Variants in TENM3 observed in about 807,000 individuals in gnomAD.
TENM3 encodes teneurin-3.
A neutral mutation model predicts 255.1 loss-of-function variants in TENM3; 63 were observed. The ratio of observed to expected loss-of-function variants is 0.25; its 90% CI spans 0.20 to 0.30. The LOEUF (loss-of-function observed/expected upper bound fraction) is 0.30. Among genes scored for constraint, TENM3 ranks in the 10% least tolerant of loss-of-function variants. TENM3 has a pLI of 1.00. For missense variants in TENM3, 2,929 were observed against 3,461.1 expected (o/e 0.85, Z 3.86); for synonymous variants, 1,306 against 1,322.3 (o/e 0.99, Z 0.27).
chr4:182,680,565 T>C lies in TENM3; in HGVS notation c.1662T>C (p.Ser554=), dbSNP rs1285420771. Residue 554 remains serine, a synonymous_variant, in exon 10 of 28, where the codon AGT becomes AGC. Transcript: ENST00000511685. ...CAGCCGCCTGTCCAGTGTTATGTAG[T>C]GGCAACGGGCAGTACTCCAAGGGCC... ...CSRAACPVLC[S]GNGQYSKGRC... is the part of the protein sequence containing the mutation. 1.2e-6 allele frequency: 2 copies of C among 1,613,502 alleles called. No individual in the cohort carries two copies. The highest frequency in any genetic ancestry group is 1.7e-6 in the Non-Finnish European group (2 of 1,179,784).
chr4:181,576,338 A>G, the TENM3 span, among the ~76,000 whole-genome samples: 1 of 152,204 alleles, frequency 6.6e-6, no homozygotes, highest in Non-Finnish European at 1.5e-5. Context: ...CTCTTCATCC[A>G]GTCATCCACT....
chr4:182,062,736 A>G, the TENM3 span, among the ~76,000 whole-genome samples: 2 of 152,206 alleles, frequency 1.3e-5, no homozygotes, highest in African/African-American at 2.4e-5. Flanking sequence ...TTGGACTCCA[A>G]GTGGTTTTGA....
At chr4:182,510,485 C>T (rs2151713853) in intron 3 of TENM3, among the ~76,000 whole-genome samples, 1 of 152,240 alleles carries the variant, frequency 6.6e-6, no homozygotes, top group East Asian at 1.9e-4. Context: ...AAGGGTTAAC[C>T]TCTAGAATTG....
At chr4:181,622,536 T>C in the TENM3 span, among the ~76,000 whole-genome samples, 2 of 151,590 alleles carry the variant, frequency 1.3e-5, no homozygotes, top group African/African-American at 4.8e-5. Context: ...ATTAGCCGAG[T>C]ATGGTGGCAA....
the TENM3 span, among the ~76,000 whole-genome samples, chr4:181,645,533 T>C: frequency 3.9e-5 from 6 of 152,296 alleles, no homozygotes; most frequent in East Asian, 7.7e-4. Flanking sequence ...ATTCTCAAAA[T>C]TATTACAGAA....
chr4:181,657,199 C>G, the TENM3 span, among the ~76,000 whole-genome samples: 15 of 152,068 alleles, frequency 9.9e-5, no homozygotes, highest in Non-Finnish European at 1.6e-4. Flanking sequence ...ATGAGTTGCA[C>G]CAGGAAAAAA....
At chr4:182,422,183 C>T (rs1482334798) in intron 3 of TENM3, among the ~76,000 whole-genome samples, 1 of 152,074 alleles carries the variant, frequency 6.6e-6, no homozygotes, top group Non-Finnish European at 1.5e-5. Flanking sequence ...GCTTATTTAT[C>T]AACGGATAGC....
chr4:181,539,229 G>C, the TENM3 span, among the ~76,000 whole-genome samples: 9 of 152,160 alleles, frequency 5.9e-5, no homozygotes, highest in Admixed American at 5.9e-4. Context: ...TAATGGAGTT[G>C]AATGAGCCTA....
intron 3 of TENM3, chr4:182,449,004 A>T (rs1773196056): frequency 2.5e-6 from 1 of 400,150 alleles, no homozygotes; most frequent in Non-Finnish European, 5.0e-6. Context: ...GCGCTGTAAC[A>T]CGATACGCTC....
chr4:182,219,587 C>G (rs1278277085), intron 1 of TENM3, among the ~76,000 whole-genome samples: 1 of 152,052 alleles, frequency 6.6e-6, no homozygotes, highest in Non-Finnish European at 1.5e-5. Context: ...ATTGCTTGAG[C>G]TCAGGAGGCT....
At chr4:181,993,758 C>G in the TENM3 span, among the ~76,000 whole-genome samples, 1 of 152,118 alleles carries the variant, frequency 6.6e-6, no homozygotes, top group Non-Finnish European at 1.5e-5. Flanking sequence ...CCTACCTTAT[C>G]TGTACAATTT....
the TENM3 span, among the ~76,000 whole-genome samples, chr4:181,528,096 C>T: frequency 6.6e-6 from 1 of 151,612 alleles, no homozygotes; most frequent in Admixed American, 6.6e-5. Flanking sequence ...GGAAAAAAAA[C>T]AGAAATGAAA....
the TENM3 span, among the ~76,000 whole-genome samples, chr4:182,096,989 A>G: frequency 1.3e-5 from 2 of 152,196 alleles, no homozygotes; most frequent in Non-Finnish European, 2.9e-5. Flanking sequence ...AGGGTGATAA[A>G]GCTGTTTTTT....
chr4:181,804,931 C>G, the TENM3 span, among the ~76,000 whole-genome samples: 5 of 152,116 alleles, frequency 3.3e-5, no homozygotes, highest in Non-Finnish European at 5.9e-5. Flanking sequence ...TCACCCCTCC[C>G]CAATTCCCTG....
chr4:181,820,673 G>A, the TENM3 span, among the ~76,000 whole-genome samples: 2 of 152,154 alleles, frequency 1.3e-5, no homozygotes, highest in Admixed American at 6.5e-5. Flanking sequence ...ATATTTTCAT[G>A]TTCTAATGGG....
At chr4:181,924,698 T>G in the TENM3 span, among the ~76,000 whole-genome samples, 1 of 152,170 alleles carries the variant, frequency 6.6e-6, no homozygotes, top group Non-Finnish European at 1.5e-5. Flanking sequence ...TTTCTCATCA[T>G]TTGAACCTCC....
intron 3 of TENM3, among the ~76,000 whole-genome samples, chr4:182,526,141 G>A (rs28485012): frequency 0.096 from 14,600 of 151,882 alleles, 791 homozygotes; most frequent in African/African-American, 0.13. Context: ...CACCACGCCC[G>A]GCTGATTTTT....
At chr4:182,014,621 A>G in the TENM3 span, among the ~76,000 whole-genome samples, 1 of 70,160 alleles carries the variant, frequency 1.4e-5, no homozygotes, top group Non-Finnish European at 3.1e-5. Flanking sequence ...GATTTATTAA[A>G]TTAGCTAATT....
the TENM3 span, among the ~76,000 whole-genome samples, chr4:181,660,799 A>G: frequency 6.6e-6 from 1 of 152,190 alleles, no homozygotes; most frequent in African/African-American, 2.4e-5. Flanking sequence ...TTGAGGCATT[A>G]TGGATGGATG....
Sources: gnomAD v4.1 joint callset for allele counts (sites outside exome capture counted in the v4.1 genomes callset) on GRCh38, gnomAD v4.1.1 for gene constraint, MANE v1.5 for transcripts, NCBI Gene and HGNC (gene_info 2026-07-23, HGNC 2026-07-21) for gene names.